ZNF804B: variants seen among roughly 807,000 people sequenced by gnomAD.
The protein encoded by ZNF804B is zinc finger 804B.
A neutral mutation model predicts 101.4 loss-of-function variants in ZNF804B; 80 were observed. That is an observed-to-expected ratio of 0.79 (90% CI 0.66 to 0.95). The LOEUF (loss-of-function observed/expected upper bound fraction) is 0.95. Ranked by LOEUF, ZNF804B falls within the 40% of genes least tolerant of loss-of-function variation. ZNF804B has a pLI of 0.00. For missense variants in ZNF804B, 1,673 were observed against 1,561.9 expected (o/e 1.07, Z -1.20); for synonymous variants, 622 against 558.8 (o/e 1.11, Z -1.59).
At chr7:89,229,060 G>A (rs951745553) in intron 2 of ZNF804B, among the ~76,000 whole-genome samples, 2 of 152,200 alleles carry the variant, frequency 1.3e-5, no homozygotes, top group East Asian at 1.9e-4. Context: ...TGGAACTCGC[G>A]CTGGCACGCA....
chr7:89,198,715 A>G (rs1281924796), intron 1 of ZNF804B, among the ~76,000 whole-genome samples: 3 of 151,944 alleles, frequency 2.0e-5, no homozygotes, highest in African/African-American at 7.2e-5. Flanking sequence ...GTAAGAATAC[A>G]ATAGAAAATA....
intron 1 of ZNF804B, among the ~76,000 whole-genome samples, chr7:88,846,075 C>T (rs760287335): frequency 6.6e-6 from 1 of 152,164 alleles, no homozygotes; most frequent in African/African-American, 2.4e-5. Context: ...GATATGCTGA[C>T]ACTGGCAGAA....
At position 89,213,192 on chromosome 7, in the gene ZNF804B, A is replaced by G. The variant is rs115479037; in HGVS notation, c.109-4963A>G. On this transcript the variant is annotated intron_variant, in intron 1 of 3. Coordinates refer to ENST00000333190, the MANE Select transcript of ZNF804B (RefSeq NM_181646.5). ...CAAGTTTTCTGTTATCCAAGCTGTT[A>G]CAGAGATGCAGAAAGATGATGGATG... Among the ~76,000 whole-genome samples, 123 of 152,302 alleles carry G rather than the reference A, an allele frequency of 8.1e-4. 2 individuals carry two copies. The highest frequency in any genetic ancestry group is 2.9e-3 in the African/African-American group (121 of 41,570).
At chr7:89,145,948 C>A (rs1349904552) in intron 1 of ZNF804B, among the ~76,000 whole-genome samples, 1 of 152,030 alleles carries the variant, frequency 6.6e-6, no homozygotes, top group Admixed American at 6.6e-5. Context: ...ATTAGCTAAT[C>A]TCAAAAACTT....
In ZNF804B at chr7:89,336,342, A is replaced by T; in HGVS notation, c.3360A>T (p.Arg1120Ser). 1 of 1,614,024 alleles carries T rather than the reference A, an allele frequency of 6.2e-7. No individual in the cohort carries two copies. Among genetic ancestry groups the T allele is most frequent in the Admixed American group, 1.7e-5 (1 of 59,984 alleles). Reference protein sequence around the residue: ...VEGNINSYYDRTMQKPDKVED... With the variant: ...VEGNINSYYDSTMQKPDKVED... ...GAAATATAAACTCTTACTATGACAG[A>T]ACTATGCAGAAACCTGACAAAGTCG... is the stretch of plus-strand genomic sequence containing the variant. Residue 1120 changes from arginine to serine, a missense_variant, in exon 4 of 4, where the codon AGA becomes AGT. Physicochemically the swap from Arg to Ser is moderately radical, Grantham distance 110. Coordinates refer to ENST00000333190, the MANE Select transcript of ZNF804B (RefSeq NM_181646.5).
intron 2 of ZNF804B, among the ~76,000 whole-genome samples, chr7:89,231,375 A>AG (rs1187538108): frequency 2.0e-5 from 3 of 152,048 alleles, no homozygotes; most frequent in African/African-American, 4.8e-5. Context: ...TTTTGAAATT[A>AG]GATAGTATGA....
At chr7:88,832,295 G>A (rs1791145367) in intron 1 of ZNF804B, among the ~76,000 whole-genome samples, 1 of 151,886 alleles carries the variant, frequency 6.6e-6, no homozygotes, top group Non-Finnish European at 1.5e-5. Flanking sequence ...TGCTAACTTA[G>A]AATATCAAAC....
intron 1 of ZNF804B, among the ~76,000 whole-genome samples, chr7:89,201,544 G>A (rs769048017): frequency 2.0e-5 from 3 of 151,944 alleles, no homozygotes; most frequent in Non-Finnish European, 4.4e-5. Flanking sequence ...CAAGAAAGAA[G>A]TGCTGGGAAA....
At chr7:89,040,494 C>A (rs1438389648) in intron 1 of ZNF804B, among the ~76,000 whole-genome samples, 1 of 152,120 alleles carries the variant, frequency 6.6e-6, no homozygotes. Context: ...TCTTAAAACT[C>A]TGATTTCATT....
intron 1 of ZNF804B, among the ~76,000 whole-genome samples, chr7:88,773,300 G>C (rs1226850981): frequency 6.6e-6 from 1 of 152,188 alleles, no homozygotes. Flanking sequence ...GCAGGAATTA[G>C]CAGTATGTGT....
chr7:89,152,137 T>A (rs530153549), intron 1 of ZNF804B, among the ~76,000 whole-genome samples: 1 of 152,276 alleles, frequency 6.6e-6, no homozygotes, highest in African/African-American at 2.4e-5. Flanking sequence ...GGATTTGGCT[T>A]ACCATCTTTT....
intron 2 of ZNF804B, among the ~76,000 whole-genome samples, chr7:89,285,541 A>AAAAAAAAAAAAAAAAAAC (rs1790178620): frequency 7.4e-6 from 1 of 134,364 alleles, no homozygotes; most frequent in African/African-American, 3.0e-5. Context: ...AAAAAAAAAA[A>AAAAAAAAAAAAAAAAAAC]AAAAAAAGAA....
intron 1 of ZNF804B, among the ~76,000 whole-genome samples, chr7:88,990,962 A>T (rs1033656549): frequency 9.9e-5 from 15 of 152,142 alleles, no homozygotes; most frequent in African/African-American, 3.6e-4. Flanking sequence ...AGGAATGATC[A>T]AACCCAAATA....
At chr7:89,252,393 G>A (rs1209650121) in intron 2 of ZNF804B, among the ~76,000 whole-genome samples, 2 of 152,104 alleles carry the variant, frequency 1.3e-5, no homozygotes, top group Admixed American at 1.3e-4. Context: ...AACAGTAGAT[G>A]CTTGAGAGGC....
intron 2 of ZNF804B, among the ~76,000 whole-genome samples, chr7:89,235,096 T>G (rs1350808559): frequency 6.6e-6 from 1 of 152,174 alleles, no homozygotes; most frequent in Admixed American, 6.5e-5. Context: ...TTAATCTGCA[T>G]GTAATTGTCT....
intron 1 of ZNF804B, among the ~76,000 whole-genome samples, chr7:89,146,961 T>C (rs1436999996): frequency 6.6e-6 from 1 of 151,416 alleles, no homozygotes; most frequent in Non-Finnish European, 1.5e-5. Context: ...GCCTGGGAAG[T>C]GCGGGTTGCA....
chr7:89,321,672 G>A (rs189555149), intron 2 of ZNF804B, among the ~76,000 whole-genome samples: 37 of 151,336 alleles, frequency 2.4e-4, no homozygotes, highest in African/African-American at 9.0e-4. Flanking sequence ...GTATACAGAT[G>A]GTATTTTAAG....
intron 1 of ZNF804B, among the ~76,000 whole-genome samples, chr7:88,868,942 T>A (rs1270641344): frequency 6.6e-6 from 1 of 152,252 alleles, no homozygotes; most frequent in African/African-American, 2.4e-5. Context: ...ATTTTATTTT[T>A]AGTGGAGTGA....
intron 2 of ZNF804B, among the ~76,000 whole-genome samples, chr7:89,272,619 C>T (rs886625303): frequency 6.6e-6 from 1 of 152,008 alleles, no homozygotes; most frequent in Non-Finnish European, 1.5e-5. Flanking sequence ...CTAAGTTTTC[C>T]CGCTACCCCT....
Sources: allele counts gnomAD v4.1 joint callset (sites outside exome capture counted in the v4.1 genomes callset), GRCh38; gene constraint gnomAD v4.1.1; transcripts MANE v1.5; gene names NCBI Gene and HGNC (gene_info 2026-07-23, HGNC 2026-07-21).